TECRL: variants seen among roughly 807,000 people sequenced by gnomAD.
TECRL encodes trans-2,3-enoyl-CoA reductase-like.
Under a neutral mutation model 52.8 loss-of-function variants are expected in TECRL, and 63 were observed. The ratio of observed to expected loss-of-function variants is 1.19; its 90% CI spans 0.97 to 1.47. The LOEUF (loss-of-function observed/expected upper bound fraction) is 1.47, where lower values mean the gene tolerates loss of function less well. Ranked by LOEUF, TECRL falls within the 40% of genes most tolerant of loss-of-function variation. The pLI is 0.00. For missense variants in TECRL, 482 were observed against 429.6 expected (o/e 1.12, Z -1.08); for synonymous variants, 164 against 141.9 (o/e 1.16, Z -1.10).
chr4:64,286,298 A>C (rs1298572156), intron 9 of TECRL, among the ~76,000 whole-genome samples: 1 of 152,076 alleles, frequency 6.6e-6, no homozygotes, highest in East Asian at 1.9e-4. Context: ...CAAGGAAGAA[A>C]CTTTCCCAGT....
At chr4:64,392,998 C>T (rs1159367133) in intron 1 of TECRL, among the ~76,000 whole-genome samples, 8 of 151,862 alleles carry the variant, frequency 5.3e-5, no homozygotes, top group Non-Finnish European at 1.0e-4. Context: ...CTGCTTAGTA[C>T]ATAACTTGGT....
At chr4:64,283,159 C>T (rs965875277) in intron 9 of TECRL, among the ~76,000 whole-genome samples, 2 of 152,000 alleles carry the variant, frequency 1.3e-5, no homozygotes, top group Non-Finnish European at 2.9e-5. Context: ...TTGTTCATCC[C>T]AGTTTTAGAA....
intron 1 of TECRL, among the ~76,000 whole-genome samples, chr4:64,400,209 T>G (rs7690664): frequency 0.89 from 136,012 of 152,170 alleles, 61,513 homozygotes; most frequent in East Asian, 1. Context: ...AAGATTTAAT[T>G]ATTGTTCTAC....
At chr4:64,381,597 A>G in intron 1 of TECRL, among the ~76,000 whole-genome samples, 1 of 151,904 alleles carries the variant, frequency 6.6e-6, no homozygotes. Context: ...TTTTTTAATC[A>G]TAAAGGGATT....
At position 64,342,004 on chromosome 4, in the gene TECRL, A is replaced by T. The variant is rs540546509; in HGVS notation, c.287-13448T>A. Among the ~76,000 whole-genome samples, 49 of 152,266 alleles carry T rather than the reference A, an allele frequency of 3.2e-4. No individual in the cohort carries two copies. The South Asian group carries it at 9.3e-3, about 29-fold the overall frequency. On this transcript the variant is annotated intron_variant, in intron 2 of 11. Transcript: ENST00000381210. ...GAGGTGTGGGATCCGGGCCAGTAGC[A>T]TGAGCTCAGTGCAACCTGCCAGGCC...
chr4:64,280,326 T>G (rs766338316), intron 11 of TECRL, 127 bp from the exon 12 acceptor site: 5 of 760,738 alleles, frequency 6.6e-6, no homozygotes, highest in Non-Finnish European at 9.3e-6. Context: ...CTTATCAATT[T>G]TCATTATTCA....
At chr4:64,281,664 A>G in intron 9 of TECRL, 105 bp from the exon 10 acceptor site, 1 of 587,218 alleles carries the variant, frequency 1.7e-6, no homozygotes, top group Non-Finnish European at 2.9e-6. Flanking sequence ...GTACCACATG[A>G]AATGTCATCA....
intron 9 of TECRL, among the ~76,000 whole-genome samples, chr4:64,285,934 C>T (rs537009847): frequency 8.6e-5 from 13 of 151,962 alleles, no homozygotes; most frequent in African/African-American, 2.4e-4. Context: ...TGAGAAGACA[C>T]GATGAAAAAC....
At chr4:64,342,030 G>A (rs746635353) in intron 2 of TECRL, among the ~76,000 whole-genome samples, 9 of 152,244 alleles carry the variant, frequency 5.9e-5, no homozygotes, top group East Asian at 1.9e-4. Flanking sequence ...CTGCCAGGCC[G>A]AGTGGGCAGA....
Position 64,280,143 on chromosome 4 carries a change from GT to G in TECRL, c.1020del (p.Lys340AsnfsTer6), listed in dbSNP as rs1301226602. On this transcript the variant is annotated frameshift_variant, in exon 12 of 12. Transcript: ENST00000381210. LOFTEE classifies it high-confidence loss of function. ...TTGAATTTTCTCAGATAAATCTTAT[GT>G]TTCTTTTGTGCCCACAAAGACATCT... The part of the protein sequence containing the change: ...SIQMSLWAQK[K>X]HKIYLRKFNS... 1.2e-6 allele frequency: 2 copies of G among 1,601,934 alleles called. No homozygotes were observed. Among genetic ancestry groups the G allele is most frequent in the Non-Finnish European group, 1.7e-6 (2 of 1,174,692 alleles).
chr4:64,354,173 A>G (rs1720593718), intron 2 of TECRL, among the ~76,000 whole-genome samples: 1 of 152,186 alleles, frequency 6.6e-6, no homozygotes. Context: ...TAGGAGAGGA[A>G]GTGATGACAT....
intron 1 of TECRL, among the ~76,000 whole-genome samples, chr4:64,397,046 G>GAA (rs1183389969): frequency 6.6e-6 from 1 of 151,998 alleles, no homozygotes; most frequent in African/African-American, 2.4e-5. Context: ...ACATGAGAGA[G>GAA]AACCCAGAAA....
intron 3 of TECRL, among the ~76,000 whole-genome samples, chr4:64,325,460 A>G (rs560388948): frequency 6.6e-6 from 1 of 152,192 alleles, no homozygotes; most frequent in South Asian, 2.1e-4. Flanking sequence ...TTCAGTCAAC[A>G]CTCTGATTCC....
At chr4:64,298,067 A>G (rs1723785234) in intron 8 of TECRL, among the ~76,000 whole-genome samples, 1 of 151,164 alleles carries the variant, frequency 6.6e-6, no homozygotes, top group African/African-American at 2.4e-5. Flanking sequence ...TATGCTTAAT[A>G]TTATGCTATG....
At chr4:64,289,858 A>C (rs1723282944) in intron 8 of TECRL, 91 bp from the exon 9 acceptor site, 7 of 733,374 alleles carry the variant, frequency 9.5e-6, no homozygotes, top group Non-Finnish European at 1.4e-5. Flanking sequence ...TCTGTGTTGT[A>C]CATTAATCCC....
intron 1 of TECRL, among the ~76,000 whole-genome samples, chr4:64,385,271 T>C (rs1723098005): frequency 6.6e-6 from 1 of 152,056 alleles, no homozygotes; most frequent in South Asian, 2.1e-4. Context: ...AGTAGTATTG[T>C]TGTGTGAGCC....
At chr4:64,286,449 A>G (rs1723085634) in intron 9 of TECRL, among the ~76,000 whole-genome samples, 1 of 152,028 alleles carries the variant, frequency 6.6e-6, no homozygotes, top group Non-Finnish European at 1.5e-5. Flanking sequence ...AGAAGAAGGA[A>G]CATAGGTACA....
In TECRL at chr4:64,409,147, T is replaced by C. The variant is rs772023619; in HGVS notation, c.205A>G (p.Thr69Ala). Residue 69 changes from threonine (T) to alanine (A), a missense_variant, in exon 1 of 12, where the codon ACA becomes GCA. Coordinates refer to ENST00000381210, the MANE Select transcript of TECRL (RefSeq NM_001010874.5). The part of the protein sequence containing the change: ...HFEIEIFDAQ[T>A]RKQICILDKV... ...TCCAGAATACATATCTGTTTCCTTG[T>C]TTGAGCATCAAATATTTCAATCTCA... The C allele has an allele frequency of 1.9e-6, 3 of 1,612,608 alleles. No homozygotes were observed. The highest frequency in any genetic ancestry group is 2.5e-6 in the Non-Finnish European group (3 of 1,179,422).
chr4:64,305,731 T>C (rs1724297567), intron 6 of TECRL, among the ~76,000 whole-genome samples: 1 of 152,154 alleles, frequency 6.6e-6, no homozygotes, highest in Admixed American at 6.6e-5. Context: ...TAGGCACTCA[T>C]GAGTAATAAC....
Sources: gnomAD v4.1 joint callset for allele counts (sites outside exome capture counted in the v4.1 genomes callset) on GRCh38, gnomAD v4.1.1 for gene constraint, MANE v1.5 for transcripts, NCBI Gene and HGNC (gene_info 2026-07-23, HGNC 2026-07-21) for gene names.